ROBO1: variants seen among roughly 807,000 people sequenced by gnomAD.
ROBO1 encodes the protein roundabout homolog 1.
ROBO1 carries 149 observed loss-of-function variants against 195.9 expected under a neutral mutation model. The ratio of observed to expected loss-of-function variants is 0.76; its 90% CI spans 0.67 to 0.87. ROBO1 has a LOEUF of 0.87. ROBO1 is among the 40% of genes least tolerant of loss of function. The probability of loss-of-function intolerance (pLI) is 0.00; values close to 1 mark genes in which losing one functional copy is unlikely to be tolerated. For missense variants in ROBO1, 1,933 were observed against 2,068.3 expected (o/e 0.93, Z 1.27); for synonymous variants, 816 against 733.2 (o/e 1.11, Z -1.82).
At chr3:79,737,344 T>G (rs1703433108) in intron 1 of ROBO1, among the ~76,000 whole-genome samples, 1 of 152,182 alleles carries the variant, frequency 6.6e-6, no homozygotes, top group Non-Finnish European at 1.5e-5. Flanking sequence ...CATCCATATT[T>G]CCCAAATATG....
chr3:79,260,604 G>A (rs2082921851), intron 2 of ROBO1, among the ~76,000 whole-genome samples: 1 of 152,082 alleles, frequency 6.6e-6, no homozygotes, highest in African/African-American at 2.4e-5. Flanking sequence ...TTATGATTGT[G>A]TTGTTCTTAT....
chr3:78,763,017 G>C (rs1354376132), intron 4 of ROBO1, among the ~76,000 whole-genome samples: 3 of 152,044 alleles, frequency 2.0e-5, no homozygotes, highest in Non-Finnish European at 4.4e-5. Context: ...TGACACAAGA[G>C]ACAAGCACTT....
intron 1 of ROBO1, among the ~76,000 whole-genome samples, chr3:79,642,915 C>A (rs537963454): frequency 1.3e-5 from 2 of 152,030 alleles, no homozygotes; most frequent in African/African-American, 2.4e-5. Context: ...ACTCGTGAAG[C>A]CTGTGATGGT....
intron 2 of ROBO1, among the ~76,000 whole-genome samples, chr3:79,213,920 G>A (rs959584310): frequency 6.6e-6 from 1 of 150,558 alleles, no homozygotes; most frequent in Non-Finnish European, 1.5e-5. Flanking sequence ...CTGCCTCCCG[G>A]GTTCAAGAGA....
intron 4 of ROBO1, among the ~76,000 whole-genome samples, chr3:78,873,004 G>GA (rs1179283213): frequency 2.0e-5 from 3 of 152,098 alleles, no homozygotes; most frequent in East Asian, 1.9e-4. Flanking sequence ...TTAAGAAAAG[G>GA]AAAAAATGCC....
intron 4 of ROBO1, among the ~76,000 whole-genome samples, chr3:78,821,609 T>G (rs1373276894): frequency 6.6e-6 from 1 of 152,174 alleles, no homozygotes. Context: ...TACAAACTAG[T>G]TAAGATTGTT....
intron 5 of ROBO1, among the ~76,000 whole-genome samples, chr3:78,733,950 A>G (rs1269797800): frequency 3.3e-5 from 5 of 152,140 alleles, no homozygotes; most frequent in Non-Finnish European, 5.9e-5. Context: ...CAAAATTCCT[A>G]TTGCAGGTTT....
chr3:79,317,398 C>T (rs112511433), intron 2 of ROBO1, among the ~76,000 whole-genome samples: 10 of 152,078 alleles, frequency 6.6e-5, no homozygotes, highest in African/African-American at 2.2e-4. Context: ...TTGCTCACTA[C>T]GCCAGCTTCC....
At chr3:78,750,989 T>C (rs2082779692) in intron 4 of ROBO1, among the ~76,000 whole-genome samples, 1 of 152,172 alleles carries the variant, frequency 6.6e-6, no homozygotes, top group African/African-American at 2.4e-5. Context: ...AAAAATCCAA[T>C]TGTTCTATCT....
rs182229553 is a variant in ROBO1, at chr3:78,969,204, A to T, written c.173-30277T>A. On this transcript the variant is annotated intron_variant, in intron 3 of 30. Coordinates refer to ENST00000464233, the MANE Select transcript of ROBO1 (RefSeq NM_002941.4). ...TTGATAAAATATATGGTTTATTTTT[A>T]AAATTACTAAATTCCTAGAAGCTCT... 9.6e-3 allele frequency among the ~76,000 whole-genome samples: 1,455 copies of T among 152,302 alleles called. 23 individuals carry two copies. Among genetic ancestry groups the T allele is most frequent in the Non-Finnish European group, 0.012 (847 of 68,014 alleles).
chr3:79,030,328 G>T (rs568165549), intron 3 of ROBO1, among the ~76,000 whole-genome samples: 2 of 152,316 alleles, frequency 1.3e-5, no homozygotes, highest in East Asian at 3.9e-4. Flanking sequence ...TAAGGCAAGG[G>T]ATACTGCTAA....
chr3:79,123,874 A>G (rs560708964), intron 3 of ROBO1, among the ~76,000 whole-genome samples: 1 of 152,206 alleles, frequency 6.6e-6, no homozygotes, highest in East Asian at 1.9e-4. Context: ...GCTATATTTA[A>G]TCTGAAATGC....
At chr3:78,783,167 CT>C (rs2083730804) in intron 4 of ROBO1, among the ~76,000 whole-genome samples, 1 of 152,118 alleles carries the variant, frequency 6.6e-6, no homozygotes, top group Non-Finnish European at 1.5e-5. Context: ...GAAGTCTGGG[CT>C]TTTAGTGTAA....
intron 3 of ROBO1, among the ~76,000 whole-genome samples, chr3:79,109,602 C>T (rs1192087363): frequency 2.6e-5 from 4 of 152,004 alleles, no homozygotes; most frequent in African/African-American, 9.7e-5. Flanking sequence ...ATTACTTACG[C>T]ATGGTTCTCT....
At chr3:79,653,556 G>A (rs1012472635) in intron 1 of ROBO1, among the ~76,000 whole-genome samples, 3 of 151,896 alleles carry the variant, frequency 2.0e-5, no homozygotes, top group African/African-American at 7.2e-5. Context: ...TATTTTTCAG[G>A]CTTTTGAGTA....
intron 2 of ROBO1, among the ~76,000 whole-genome samples, chr3:79,579,747 C>G (rs957550398): frequency 1.3e-5 from 2 of 151,812 alleles, no homozygotes; most frequent in African/African-American, 4.8e-5. Context: ...ATCTAGAAGC[C>G]TGAATTTCTC....
chr3:79,025,547 T>G (rs749550899), intron 3 of ROBO1, among the ~76,000 whole-genome samples: 1 of 152,142 alleles, frequency 6.6e-6, no homozygotes. Flanking sequence ...ACTGTTAATA[T>G]ATATTTTTGA....
chr3:79,435,538 C>A (rs550973860), intron 2 of ROBO1, among the ~76,000 whole-genome samples: 3 of 152,218 alleles, frequency 2.0e-5, no homozygotes, highest in Admixed American at 6.6e-5. Context: ...TAATAAAGAG[C>A]AATTTCTATA....
chr3:79,088,330 T>C (rs1223965778), intron 3 of ROBO1, among the ~76,000 whole-genome samples: 3 of 152,142 alleles, frequency 2.0e-5, no homozygotes, highest in Non-Finnish European at 4.4e-5. Flanking sequence ...TCCAGGCTAC[T>C]TTGCCTGTAA....
Sources: gnomAD v4.1 joint callset for allele counts (sites outside exome capture counted in the v4.1 genomes callset) on GRCh38, gnomAD v4.1.1 for gene constraint, MANE v1.5 for transcripts, NCBI Gene and HGNC (gene_info 2026-07-23, HGNC 2026-07-21) for gene names.